MYOM2: variants seen among roughly 807,000 people sequenced by gnomAD.
MYOM2 encodes the protein myomesin 2, also known as myomesin-2.
A neutral mutation model predicts 187.6 loss-of-function variants in MYOM2; 254 were observed. The ratio of observed to expected loss-of-function variants is 1.35; its 90% confidence interval spans 1.22 to 1.50. The LOEUF (loss-of-function observed/expected upper bound fraction) is 1.50. Among genes scored for constraint, MYOM2 ranks in the 40% most tolerant of loss-of-function variants. The probability of loss-of-function intolerance (pLI) is 0.00; values close to 1 mark genes in which losing one functional copy is unlikely to be tolerated. For synonymous variants in MYOM2, 981 were observed against 753.8 expected (o/e 1.30, Z -4.94); for missense variants, 2,796 against 1,924.0 (o/e 1.45, Z -8.48).
At chr8:2,049,910 A>T (rs1233419499) in intron 1 of MYOM2, among the ~76,000 whole-genome samples, 1 of 152,110 alleles carries the variant, frequency 6.6e-6, no homozygotes, top group East Asian at 1.9e-4. Context: ...AATTTCATCC[A>T]CACTCTCGAA....
Position 2,064,578 on chromosome 8 carries a change from C to G in MYOM2, c.654-4700C>G, listed in dbSNP as rs549930198. Reference sequence around the variant, plus strand: ...CCAAGCGGATGGAGGGCTTCTTCCCCCAGTGGCTCCTGCCTCTGAGCACCA... The same window carrying G: ...CCAAGCGGATGGAGGGCTTCTTCCCGCAGTGGCTCCTGCCTCTGAGCACCA... On this transcript the variant is annotated intron_variant, in intron 6 of 36. Coordinates refer to ENST00000262113, the MANE Select transcript of MYOM2 (RefSeq NM_003970.4). Among the ~76,000 whole-genome samples, 21 of 152,316 alleles carry G rather than the reference C, an allele frequency of 1.4e-4. No homozygotes were observed. The South Asian group carries it at 4.1e-3, about 30-fold the overall frequency.
chr8:2,140,243 T>C (rs191303900), intron 32 of MYOM2, among the ~76,000 whole-genome samples: 71 of 152,324 alleles, frequency 4.7e-4, no homozygotes, highest in Admixed American at 4.1e-3. Flanking sequence ...ATTTCCCTCA[T>C]GTATTTATGG....
chr8:2,087,267 A>G (rs1796125243), intron 14 of MYOM2, among the ~76,000 whole-genome samples: 2 of 152,244 alleles, frequency 1.3e-5, no homozygotes, highest in Non-Finnish European at 2.9e-5. Context: ...TATAACATAT[A>G]GAAGCTTATG....
At chr8:2,049,899 G>A (rs1818427020) in intron 1 of MYOM2, among the ~76,000 whole-genome samples, 1 of 152,136 alleles carries the variant, frequency 6.6e-6, no homozygotes, top group Non-Finnish European at 1.5e-5. Flanking sequence ...TGTTTGGGGA[G>A]AATTTCATCC....
chr8:2,090,830 T>C (rs1021256729), intron 15 of MYOM2, among the ~76,000 whole-genome samples: 3 of 152,194 alleles, frequency 2.0e-5, no homozygotes, highest in Admixed American at 2.0e-4. Context: ...TAGTATTCCA[T>C]GGTATATATG....
intron 25 of MYOM2, among the ~76,000 whole-genome samples, chr8:2,111,931 C>G (rs1292272734): frequency 6.6e-6 from 1 of 152,202 alleles, no homozygotes; most frequent in Non-Finnish European, 1.5e-5. Flanking sequence ...ATTGTAATTT[C>G]TAATTGCGAA....
At chr8:2,092,578 G>A in intron 16 of MYOM2, 58 bp downstream of exon 16, 2 of 1,568,768 alleles carry the variant, frequency 1.3e-6, no homozygotes, top group Admixed American at 1.8e-5. Flanking sequence ...AGACCGTTGA[G>A]GTCCCTGTGG....
chr8:2,129,260 C>T (rs766549754), intron 32 of MYOM2, 28 bp downstream of exon 32: 2 of 1,523,726 alleles, frequency 1.3e-6, no homozygotes, highest in Non-Finnish European at 1.8e-6. Context: ...CGATGGAGGC[C>T]ATGCCATAGA....
intron 6 of MYOM2, among the ~76,000 whole-genome samples, chr8:2,063,928 G>T (rs747357911): frequency 3.9e-5 from 6 of 152,228 alleles, no homozygotes; most frequent in Non-Finnish European, 7.3e-5. Flanking sequence ...TAAAACCCTT[G>T]CCTCTCCCTC....
chr8:2,114,668 C>T (rs1414819933), intron 25 of MYOM2, among the ~76,000 whole-genome samples: 1 of 152,172 alleles, frequency 6.6e-6, no homozygotes, highest in Non-Finnish European at 1.5e-5. Context: ...TGGAGTTTCA[C>T]CATGTTGGCC....
intron 14 of MYOM2, among the ~76,000 whole-genome samples, chr8:2,088,848 C>T (rs1796186975): frequency 6.6e-6 from 1 of 152,208 alleles, no homozygotes; most frequent in Admixed American, 6.5e-5. Flanking sequence ...AACTGCTTTC[C>T]ACAGTGACTG....
chr8:2,071,187 G>C (rs1330864437), intron 8 of MYOM2, among the ~76,000 whole-genome samples: 1 of 151,674 alleles, frequency 6.6e-6, no homozygotes, highest in Non-Finnish European at 1.5e-5. Context: ...TAGAGATGCG[G>C]TTTCACCATG....
intron 6 of MYOM2, among the ~76,000 whole-genome samples, 195 bp from the exon 7 acceptor site, chr8:2,069,083 A>G (rs191984328): frequency 3.3e-5 from 5 of 152,336 alleles, no homozygotes; most frequent in African/African-American, 1.2e-4. Context: ...TCAGGCCTTC[A>G]TCTGTGTCTA....
At chr8:2,052,714 G>A (rs1371708235) in intron 3 of MYOM2, among the ~76,000 whole-genome samples, 1 of 152,200 alleles carries the variant, frequency 6.6e-6, no homozygotes, top group Non-Finnish European at 1.5e-5. Context: ...TCAAGACCTA[G>A]CAGTGTGAGA....
chr8:2,087,873 G>A (rs1344455815), intron 14 of MYOM2, among the ~76,000 whole-genome samples: 2 of 152,116 alleles, frequency 1.3e-5, no homozygotes, highest in African/African-American at 4.8e-5. Flanking sequence ...TCCTGCCTCA[G>A]CCTCCCAAAG....
At chr8:2,143,861 C>T (rs1330645954) in intron 36 of MYOM2, among the ~76,000 whole-genome samples, 1 of 152,162 alleles carries the variant, frequency 6.6e-6, no homozygotes, top group Admixed American at 6.5e-5. Context: ...CAGTGTGAAA[C>T]AGCACAGCTT....
At position 2,107,059 on chromosome 8, in the gene MYOM2, C is replaced by T. The variant is rs531907422; in HGVS notation, c.2998+462C>T. 6.6e-5 allele frequency among the ~76,000 whole-genome samples: 10 copies of T among 152,204 alleles called. No homozygotes were observed. In the South Asian group the frequency reaches 1.0e-3, roughly 16 times the overall value. On this transcript the variant is annotated intron_variant, in intron 23 of 36. Transcript: ENST00000262113. Reference sequence around the variant, plus strand: ...CTGCTGCTGTGTTACCCATGGAAGACGGCAGAGAGAAGTGAGAAAAGTCTG... The same window carrying T: ...CTGCTGCTGTGTTACCCATGGAAGATGGCAGAGAGAAGTGAGAAAAGTCTG...
chr8:2,141,483 T>G (rs1798271975), intron 34 of MYOM2, among the ~76,000 whole-genome samples: 1 of 152,226 alleles, frequency 6.6e-6, no homozygotes, highest in South Asian at 2.1e-4. Context: ...AAGACAGGTT[T>G]ATTTTGGAGA....
intron 3 of MYOM2, among the ~76,000 whole-genome samples, chr8:2,053,082 C>T (rs566946572): frequency 1.3e-5 from 2 of 152,246 alleles, no homozygotes; most frequent in South Asian, 2.1e-4. Flanking sequence ...TTTCCCTCAT[C>T]TCCCCCTGCT....
Sources: gnomAD v4.1 joint callset for allele counts (sites outside exome capture counted in the v4.1 genomes callset) on GRCh38, gnomAD v4.1.1 for gene constraint, MANE v1.5 for transcripts, NCBI Gene and HGNC (gene_info 2026-07-23, HGNC 2026-07-21) for gene names.